The following PTPRN2 variants were observed in gnomAD, a reference collection of about 807,000 sequenced individuals.
PTPRN2 encodes the protein receptor-type tyrosine-protein phosphatase N2.
Under a neutral mutation model 118.8 loss-of-function variants are expected in PTPRN2, and 74 were observed. The ratio of observed to expected loss-of-function variants is 0.62; its 90% CI spans 0.52 to 0.76. The LOEUF (loss-of-function observed/expected upper bound fraction) is 0.76. Among genes scored for constraint, PTPRN2 ranks in the 30% least tolerant of loss-of-function variants. The pLI, the probability that PTPRN2 is intolerant of heterozygous loss-of-function variation, is 0.00. For missense variants in PTPRN2, 1,481 were observed against 1,394.4 expected (o/e 1.06, Z -0.99); for synonymous variants, 641 against 608.0 (o/e 1.05, Z -0.80).
intron 11 of PTPRN2, among the ~76,000 whole-genome samples, chr7:157,998,571 C>G (rs976521662): frequency 5.3e-5 from 8 of 152,236 alleles, no homozygotes; most frequent in African/African-American, 1.9e-4. Context: ...ACCTGTAATC[C>G]CAGCACTTTA....
In PTPRN2 at chr7:158,343,202, G is replaced by A. The variant is rs750835719; in HGVS notation, c.164-26270C>T. ...CAAAATACATAAAGAACCACAACTC[G>A]ACAACAACAACAAAAAACCTGATTA... On this transcript the variant is annotated intron_variant, in intron 2 of 22. Transcript: ENST00000389418. 9.2e-5 allele frequency among the ~76,000 whole-genome samples: 14 copies of A among 152,060 alleles called. No homozygotes were observed. In the East Asian group the frequency reaches 9.7e-4, roughly 11 times the overall value.
rs758879202 is a variant in PTPRN2, at chr7:158,546,760, G to A, written c.112+40798C>T. Among the ~76,000 whole-genome samples, 9 of 152,336 alleles carry A rather than the reference G, an allele frequency of 5.9e-5. No individual in the cohort carries two copies. The highest frequency in any genetic ancestry group is 1.9e-4 in the African/African-American group (8 of 41,580). On this transcript the variant is annotated intron_variant, in intron 1 of 22. Coordinates refer to ENST00000389418, the MANE Select transcript of PTPRN2 (RefSeq NM_002847.5). The surrounding 1 kb of genome is among the most constrained non-coding windows in gnomAD (Gnocchi z 5.0). ...GAGGCCCGGTCACCCCACGGCCAGC[G>A]CCTGCCAAGTTCTTGTGAGTTGAGC...
At chr7:157,993,645 T>C (rs1474343047) in intron 11 of PTPRN2, among the ~76,000 whole-genome samples, 1 of 152,090 alleles carries the variant, frequency 6.6e-6, no homozygotes, top group Non-Finnish European at 1.5e-5. Context: ...TGGCTCCACT[T>C]TCATGCAAGA....
rs533365589 is a variant in PTPRN2, at chr7:157,552,094, C to A, written c.2903-3075G>T. 5.3e-5 allele frequency among the ~76,000 whole-genome samples: 8 copies of A among 151,472 alleles called. No homozygotes were observed. The East Asian group carries it at 1.4e-3, about 26-fold the overall frequency. On this transcript the variant is annotated intron_variant, in intron 21 of 22. Transcript: ENST00000389418. The stretch of plus-strand genomic sequence containing the variant: ...CACCACATACCCTACAGGAACCATG[C>A]ACTCTATGGCCACTGCACACCCTGT...
chr7:158,039,550 A>G (rs938129247), intron 11 of PTPRN2, among the ~76,000 whole-genome samples: 1 of 152,234 alleles, frequency 6.6e-6, no homozygotes, highest in African/African-American at 2.4e-5. Context: ...GGGAAACCCA[A>G]AGAAAAGTAG....
Position 157,977,604 on chromosome 7 carries a change from CGTGA to C in PTPRN2, c.1724-78871_1724-78868del. Among the ~76,000 whole-genome samples the C allele has an allele frequency of 6.7e-6, 1 of 149,662 alleles. No homozygotes were observed. The highest frequency in any genetic ancestry group is 1.5e-5 in the Non-Finnish European group (1 of 67,510). ...CGTGAGAAGGCCCCAGGTGGGATGA[CGTGA>C]GTGTGTTCATGGAGTAGTGTACAAG... On this transcript the variant is annotated intron_variant, in intron 11 of 22. Transcript: ENST00000389418. This position sits in a 1 kb window ranked among gnomAD's most constrained non-coding sequence, Gnocchi z 4.6.
intron 3 of PTPRN2, among the ~76,000 whole-genome samples, chr7:158,277,021 C>T (rs538048871): frequency 1.8e-4 from 28 of 152,254 alleles, no homozygotes; most frequent in South Asian, 6.2e-4. Flanking sequence ...ACTGACTGGT[C>T]GGACCCTGCA....
Position 158,188,245 on chromosome 7 carries a change from G to GT in PTPRN2, c.549+4081_549+4082insA, listed in dbSNP as rs1412121885. Among the ~76,000 whole-genome samples the GT allele has an allele frequency of 5.9e-4, 40 of 68,326 alleles. 3 individuals are homozygous for GT. The highest frequency in any genetic ancestry group is 9.3e-4 in the Non-Finnish European group (31 of 33,260). The allele number at this position is 68,326 out of a possible 152,430, so 44.8% of individuals were successfully genotyped here. A position where few individuals can be genotyped will look rare whatever the true frequency, so the allele number is the denominator to read the frequency against. On this transcript the variant is annotated intron_variant, in intron 5 of 22. Transcript: ENST00000389418. ...GGGAAGGCCGCCACGCTTGCCCCGC[G>GT]ATGGGGAAGGCCGCCACGCTCGCCC...
Position 158,146,913 on chromosome 7 carries a change from T to C in PTPRN2, c.911-8398A>G, listed in dbSNP as rs138702112. 1.0e-3 allele frequency among the ~76,000 whole-genome samples: 155 copies of C among 151,874 alleles called. 1 individual carries two copies. The highest frequency in any genetic ancestry group is 3.4e-3 in the Middle Eastern group (1 of 294). On this transcript the variant is annotated intron_variant, in intron 6 of 22. Coordinates refer to ENST00000389418, the MANE Select transcript of PTPRN2 (RefSeq NM_002847.5). ...CACCATTAAGATCCTGTGAAGAGAC[T>C]GAATGACACCCCATCTCACGCCACG...
At chr7:157,811,644 T>C (rs1463888181) in intron 12 of PTPRN2, among the ~76,000 whole-genome samples, 1 of 152,140 alleles carries the variant, frequency 6.6e-6, no homozygotes, top group Non-Finnish European at 1.5e-5. Flanking sequence ...GCTGCCAAGC[T>C]GCTAAGCTTG....
chr7:157,610,997 G>A lies in PTPRN2; in HGVS notation c.2345-6922C>T, dbSNP rs1295422557. Among the ~76,000 whole-genome samples, 1 of 152,196 alleles carries A rather than the reference G, an allele frequency of 6.6e-6. No individual in the cohort carries two copies. Among genetic ancestry groups the A allele is most frequent in the African/African-American group, 2.4e-5 (1 of 41,456 alleles). The stretch of plus-strand genomic sequence containing the variant: ...CTGGGGCTCATATCCAGAAAGCCCT[G>A]CTACATCCAGAGATGGTCATGAAAA... On this transcript the variant is annotated intron_variant, in intron 15 of 22. Coordinates refer to ENST00000389418, the MANE Select transcript of PTPRN2 (RefSeq NM_002847.5). The surrounding 1 kb of genome is among the most constrained non-coding windows in gnomAD (Gnocchi z 5.1).
At chr7:157,565,142 C>A (rs1799420363) in intron 21 of PTPRN2, among the ~76,000 whole-genome samples, 1 of 152,204 alleles carries the variant, frequency 6.6e-6, no homozygotes, top group Admixed American at 6.5e-5. Flanking sequence ...AGTGATCCAT[C>A]CCCGTAGGCA....
chr7:158,435,855 G>C (rs1054007167), intron 2 of PTPRN2, among the ~76,000 whole-genome samples: 3 of 152,162 alleles, frequency 2.0e-5, no homozygotes. Flanking sequence ...TCACTTAGAC[G>C]AGGCATCTAA....
intron 3 of PTPRN2, among the ~76,000 whole-genome samples, chr7:158,288,232 T>C (rs1287697715): frequency 6.6e-6 from 1 of 152,140 alleles, no homozygotes; most frequent in Non-Finnish European, 1.5e-5. Flanking sequence ...GTCCTATTTT[T>C]CAGCCATTCA....
At chr7:158,287,124 T>G (rs1799819338) in intron 3 of PTPRN2, among the ~76,000 whole-genome samples, 1 of 152,220 alleles carries the variant, frequency 6.6e-6, no homozygotes, top group Admixed American at 6.5e-5. Flanking sequence ...TATCCAATTT[T>G]TGGCATATAA....
intron 5 of PTPRN2, among the ~76,000 whole-genome samples, chr7:158,179,256 G>C (rs1824490351): frequency 6.6e-6 from 1 of 152,124 alleles, no homozygotes; most frequent in South Asian, 2.1e-4. Flanking sequence ...TTGATGATTA[G>C]TGATGTTGAG....
chr7:158,518,646 C>T (rs962935492), intron 1 of PTPRN2, among the ~76,000 whole-genome samples: 1 of 152,104 alleles, frequency 6.6e-6, no homozygotes, highest in South Asian at 2.1e-4. Context: ...GAGGGAAGGA[C>T]GAACCTTCCC....
chr7:158,446,316 T>C (rs1817723433), intron 2 of PTPRN2, among the ~76,000 whole-genome samples: 1 of 152,270 alleles, frequency 6.6e-6, no homozygotes, highest in Non-Finnish European at 1.5e-5. Flanking sequence ...TTACATTAAA[T>C]TGAATACTTT....
intron 6 of PTPRN2, among the ~76,000 whole-genome samples, chr7:158,163,797 C>T (rs963039209): frequency 4.6e-5 from 7 of 151,644 alleles, no homozygotes; most frequent in East Asian, 1.9e-4. Flanking sequence ...TCATAGGTGA[C>T]GCCTGTACGG....
Sources: gnomAD v4.1 joint callset for allele counts (sites outside exome capture counted in the v4.1 genomes callset) on GRCh38, gnomAD v4.1.1 for gene constraint, Gnocchi (gnomAD v3.1) non-coding constraint, MANE v1.5 for transcripts, NCBI Gene and HGNC (gene_info 2026-07-23, HGNC 2026-07-21) for gene names.